The following LTBP1 variants were observed in gnomAD, a reference collection of about 807,000 sequenced individuals.
LTBP1 encodes the protein latent-transforming growth factor beta-binding protein 1.
A neutral mutation model predicts 207.6 loss-of-function variants in LTBP1; 129 were observed. That is an observed-to-expected ratio of 0.62 (90% CI 0.54 to 0.72). LTBP1 has a LOEUF of 0.72. Ranked by LOEUF, LTBP1 falls within the 30% of genes least tolerant of loss-of-function variation. The probability of loss-of-function intolerance (pLI) is 0.00; values close to 1 mark genes in which losing one functional copy is unlikely to be tolerated. For synonymous variants in LTBP1, 963 were observed against 833.7 expected (o/e 1.16, Z -2.67); for missense variants, 2,281 against 2,217.2 (o/e 1.03, Z -0.58).
At chr2:33,351,742 C>G (rs931412816) in intron 26 of LTBP1, among the ~76,000 whole-genome samples, 1 of 152,162 alleles carries the variant, frequency 6.6e-6, no homozygotes, top group Non-Finnish European at 1.5e-5. Context: ...CATCTTTTCC[C>G]CCGTCTTTGC....
chr2:33,148,577 C>A (rs918929531), intron 5 of LTBP1, among the ~76,000 whole-genome samples: 1 of 152,166 alleles, frequency 6.6e-6, no homozygotes, highest in African/African-American at 2.4e-5. Flanking sequence ...CTCACTCTGG[C>A]CTCTCCTCTT....
intron 20 of LTBP1, among the ~76,000 whole-genome samples, chr2:33,295,843 G>A (rs900406899): frequency 6.6e-6 from 1 of 152,126 alleles, no homozygotes; most frequent in African/African-American, 2.4e-5. Flanking sequence ...TGAATACCCT[G>A]GTATCCTGTA....
chr2:33,324,139 C>T (rs964524829), intron 24 of LTBP1, among the ~76,000 whole-genome samples: 2 of 152,152 alleles, frequency 1.3e-5, no homozygotes, highest in Admixed American at 1.3e-4. Context: ...TTAGTTACAG[C>T]AGTCCTTCCT....
chr2:32,964,143 G>T (rs903963523), intron 2 of LTBP1, among the ~76,000 whole-genome samples: 2 of 152,126 alleles, frequency 1.3e-5, no homozygotes, highest in Admixed American at 1.3e-4. Flanking sequence ...GTTCCTTGGG[G>T]TCATGCTGAC....
chr2:32,981,315 T>C (rs1682731127), intron 2 of LTBP1, among the ~76,000 whole-genome samples: 1 of 152,180 alleles, frequency 6.6e-6, no homozygotes, highest in African/African-American at 2.4e-5. Flanking sequence ...TCTTGGTAGC[T>C]GGATATGTTG....
intron 4 of LTBP1, among the ~76,000 whole-genome samples, chr2:33,116,638 G>A (rs1445787940): frequency 6.6e-6 from 1 of 151,788 alleles, no homozygotes; most frequent in Non-Finnish European, 1.5e-5. Flanking sequence ...CAGATGTCAT[G>A]TTTTATATGG....
chr2:33,030,033 C>T (rs1478131787), intron 3 of LTBP1, among the ~76,000 whole-genome samples: 3 of 152,120 alleles, frequency 2.0e-5, no homozygotes, highest in Non-Finnish European at 2.9e-5. Context: ...TTAAAAAACT[C>T]TCTTTCCGAG....
In LTBP1 at chr2:33,311,059, T is replaced by G. The variant is rs1400117511; in HGVS notation, c.3604+1503T>G. 3.9e-5 allele frequency among the ~76,000 whole-genome samples: 6 copies of G among 151,994 alleles called. No individual in the cohort carries two copies. The Admixed American group carries it at 4.0e-4, about 10-fold the overall frequency. ...TTTTAAAATTCTGGATTGCCATAAG[T>G]TATATCTCATCTCACATGTCCCAAA... On this transcript the variant is annotated intron_variant, in intron 23 of 33. Transcript: ENST00000404816.
At chr2:33,125,929 T>C (rs541010827) in intron 4 of LTBP1, among the ~76,000 whole-genome samples, 6 of 152,290 alleles carry the variant, frequency 3.9e-5, no homozygotes, top group African/African-American at 1.4e-4. Context: ...CCTCAGTTGG[T>C]TGGTTCTGGC....
In LTBP1 at chr2:33,082,721, A is replaced by T. The variant is rs554960588; in HGVS notation, c.864-27861A>T. On this transcript the variant is annotated intron_variant, in intron 3 of 33. Transcript: ENST00000404816. ...ATTACAGGCGTGAACCACCACGCTC[A>T]GCCTACTCACTTTTTGATCATAACT... is the stretch of plus-strand genomic sequence containing the variant. Among the ~76,000 whole-genome samples, 40 of 152,274 alleles carry T rather than the reference A, an allele frequency of 2.6e-4. No homozygotes were observed. The South Asian group carries it at 3.5e-3, about 13-fold the overall frequency.
At chr2:33,330,048 C>G (rs1190345744) in intron 24 of LTBP1, among the ~76,000 whole-genome samples, 1 of 151,948 alleles carries the variant, frequency 6.6e-6, no homozygotes, top group Non-Finnish European at 1.5e-5. Context: ...CTTCATTTGT[C>G]TTAGTGTTTT....
intron 3 of LTBP1, among the ~76,000 whole-genome samples, chr2:33,056,019 C>T (rs2076979113): frequency 6.6e-6 from 1 of 152,176 alleles, no homozygotes; most frequent in Non-Finnish European, 1.5e-5. Context: ...GTTGTGTATT[C>T]TCCCTCAATG....
At chr2:33,010,193 G>T (rs541478154) in intron 2 of LTBP1, among the ~76,000 whole-genome samples, 2 of 152,232 alleles carry the variant, frequency 1.3e-5, no homozygotes, top group Non-Finnish European at 2.9e-5. Context: ...ACTCCCACTG[G>T]ATTTAGCAGC....
intron 19 of LTBP1, among the ~76,000 whole-genome samples, chr2:33,284,952 C>T (rs1037613426): frequency 6.6e-6 from 1 of 152,070 alleles, no homozygotes; most frequent in Admixed American, 6.5e-5. Context: ...CCAACTATTA[C>T]CCTCCTCTAT....
At chr2:33,058,060 C>G (rs1433665319) in intron 3 of LTBP1, among the ~76,000 whole-genome samples, 2 of 152,250 alleles carry the variant, frequency 1.3e-5, no homozygotes, top group South Asian at 2.1e-4. Context: ...GAGTGTTTCT[C>G]TCTTTGGTTT....
chr2:32,962,495 T>A (rs574778341), intron 2 of LTBP1, among the ~76,000 whole-genome samples: 148 of 152,354 alleles, frequency 9.7e-4, no homozygotes, highest in African/African-American at 3.5e-3. Context: ...TTATATACAA[T>A]AGACCCTCAG....
chr2:33,103,155 CACAG>C (rs1437507858), intron 3 of LTBP1, among the ~76,000 whole-genome samples: 2 of 151,466 alleles, frequency 1.3e-5, no homozygotes, highest in East Asian at 3.9e-4. Context: ...ATGTTGTATA[CACAG>C]TCTGTATGCA....
chr2:33,208,436 A>G (rs76981129), intron 7 of LTBP1, among the ~76,000 whole-genome samples: 2,261 of 152,308 alleles, frequency 0.015, 23 homozygotes, highest in East Asian at 0.027. Context: ...AGGAAGGTAG[A>G]GCTGCCCTTT....
chr2:33,008,660 A>T (rs1342847990), intron 2 of LTBP1, among the ~76,000 whole-genome samples: 1 of 152,260 alleles, frequency 6.6e-6, no homozygotes, highest in South Asian at 2.1e-4. Context: ...CAACTAAAAT[A>T]GTCTTTCTCC....
Sources: gnomAD v4.1 joint callset for allele counts (sites outside exome capture counted in the v4.1 genomes callset) on GRCh38, gnomAD v4.1.1 for gene constraint, MANE v1.5 for transcripts, NCBI Gene and HGNC (gene_info 2026-07-23, HGNC 2026-07-21) for gene names.